GDE1: variants seen among roughly 807,000 people sequenced by gnomAD.
The protein encoded by GDE1 is glycerophosphodiester phosphodiesterase 1.
GDE1 carries 24 observed loss-of-function variants against 32.2 expected under a neutral mutation model. The ratio of observed to expected loss-of-function variants is 0.75; its 90% confidence interval spans 0.54 to 1.05. The LOEUF is 1.05. Ranked by LOEUF, GDE1 falls within the 50% of genes least tolerant of loss-of-function variation. The probability of loss-of-function intolerance (pLI) is 0.00; values close to 1 mark genes in which losing one functional copy is unlikely to be tolerated. For missense variants in GDE1, 380 were observed against 415.0 expected, an observed-to-expected ratio of 0.92 and a Z score of 0.73; for synonymous variants, 159 against 158.6, an observed-to-expected ratio of 1.00 and a Z score of -0.02.
intron 2 of GDE1, among the ~76,000 whole-genome samples, chr16:19,512,649 CT>C (rs780208833): frequency 1.8e-4 from 27 of 152,084 alleles, no homozygotes; most frequent in Non-Finnish European, 2.8e-4. Context: ...TGTCCCAGAG[CT>C]TTTCCCCTGT....
Position 19,502,168 on chromosome 16 carries a change from G to A in GDE1, c.*1302C>T, listed in dbSNP as rs942935162. On this transcript the variant is annotated 3_prime_UTR_variant, in exon 6 of 6. Coordinates refer to ENST00000353258, the MANE Select transcript of GDE1 (RefSeq NM_016641.4). Reference sequence around the variant, plus strand: ...GGTAAGGGTAGTGGCTCTGGGGGCAGACTGACCTAGATTTGAATGCCAGTT... The same window carrying A: ...GGTAAGGGTAGTGGCTCTGGGGGCAAACTGACCTAGATTTGAATGCCAGTT... 1.3e-5 allele frequency: 2 copies of A among 152,126 alleles called. No homozygotes were observed. The highest frequency in any genetic ancestry group is 4.8e-5 in the African/African-American group (2 of 41,408). The allele number at this position is 152,126 out of a possible 1,614,324, so 9.4% of individuals were successfully genotyped here.
At chr16:19,507,141 AAAATAAATAAAT>A (rs79540258) in intron 4 of GDE1, among the ~76,000 whole-genome samples, 11,990 of 143,394 alleles carry the variant, frequency 0.084, 878 homozygotes, top group African/African-American at 0.2. Flanking sequence ...CCCGTCTTTT[AAAATAAATAAAT>A]AAATAAATAA....
chr16:19,509,742 C>T (rs1377148566), intron 3 of GDE1, among the ~76,000 whole-genome samples: 1 of 151,130 alleles, frequency 6.6e-6, no homozygotes, highest in Non-Finnish European at 1.5e-5. Context: ...CTCAGTGCAA[C>T]CTCTGTCTCC....
At chr16:19,503,824 G>A (rs1041636690) in intron 5 of GDE1, 2 of 473,790 alleles carry the variant, frequency 4.2e-6, no homozygotes, top group African/African-American at 1.9e-5. Context: ...AAACATTTCA[G>A]TAGCTCACTA....
rs1969200800 is a variant in GDE1 at position 19,503,214 on chromosome 16, T to TAGGGC, written c.*251_*255dup. The TAGGGC allele has an allele frequency of 2.1e-6, 1 of 476,892 alleles. No homozygotes were observed. The highest frequency in any genetic ancestry group is 3.8e-6 in the Non-Finnish European group (1 of 264,026). The allele number at this position is 476,892 out of a possible 1,614,324, so 29.5% of individuals were successfully genotyped here. ...ACTGGGTCTCCCTGTGTGCCTCAGC[T>TAGGGC]AGGGCAGGGCAGGGGCTCTTGTGCG... On this transcript the variant is annotated 3_prime_UTR_variant, in exon 6 of 6. Coordinates refer to ENST00000353258, the MANE Select transcript of GDE1 (RefSeq NM_016641.4).
chr16:19,518,152 T>C (rs1969405390), intron 1 of GDE1, among the ~76,000 whole-genome samples: 1 of 152,176 alleles, frequency 6.6e-6, no homozygotes, highest in Non-Finnish European at 1.5e-5. Flanking sequence ...TCTCCCAAAG[T>C]GCTGGGATTA....
intron 1 of GDE1, among the ~76,000 whole-genome samples, chr16:19,520,386 T>G (rs1597238871): frequency 1.5e-5 from 2 of 136,170 alleles, no homozygotes; most frequent in African/African-American, 5.6e-5. Flanking sequence ...TGGGAGACAG[T>G]GAGACTTCGT....
At chr16:19,517,224 G>A (rs780495509) in intron 1 of GDE1, 35 bp from the exon 2 acceptor site, 1 of 1,547,978 alleles carries the variant, frequency 6.5e-7, no homozygotes, top group South Asian at 1.1e-5. Flanking sequence ...ACTGTCAAAT[G>A]GCCACAAACA....
chr16:19,520,451 T>C (rs1200898548), intron 1 of GDE1, among the ~76,000 whole-genome samples: 1 of 150,168 alleles, frequency 6.7e-6, no homozygotes, highest in East Asian at 2.0e-4. Flanking sequence ...AGGCCAGGCA[T>C]GATGGCTCAT....
chr16:19,507,542 T>C (rs1168343972), intron 4 of GDE1, 145 bp downstream of exon 4: 1 of 607,206 alleles, frequency 1.6e-6, no homozygotes, highest in African/African-American at 1.9e-5. Context: ...TTCTGGAATT[T>C]CTCTGGTTAA....
At chr16:19,511,444 C>A (rs1969317863) in intron 2 of GDE1, among the ~76,000 whole-genome samples, 2 of 152,022 alleles carry the variant, frequency 1.3e-5, no homozygotes, top group Non-Finnish European at 2.9e-5. Context: ...ATTCTTTTTT[C>A]CACATTTTTA....
Position 19,504,401 on chromosome 16 carries a change from C to T in GDE1, c.848+480G>A, listed in dbSNP as rs531512385. 10 of 160,872 alleles carry T rather than the reference C, an allele frequency of 6.2e-5. No individual in the cohort carries two copies. The East Asian group carries it at 9.2e-4, about 15-fold the overall frequency. 10.0% of individuals were successfully genotyped at this position (160,872 alleles called of 1,614,324 possible). A position where few individuals can be genotyped will look rare whatever the true frequency, so the allele number is the denominator to read the frequency against. ...GTCTGAAATAATACTAGACCTACAA[C>T]TCTAATTAGCTGAAATATACAGATA... On this transcript the variant is annotated intron_variant, in intron 5 of 5. Transcript: ENST00000353258.
chr16:19,521,806 G>A lies in GDE1; in HGVS notation c.159C>T (p.Cys53=). ...RVFSFEPVPS[C]RALQVLKPRD... ...GGGGCTTGAGCACCTGCAGGGCCCT[G>A]CAAGAGGGCACCGGCTCAAAGCTGA... The change falls in exon 1 of 6, where the codon TGC becomes TGT. Residue 53 remains cysteine (C), a synonymous_variant. Coordinates refer to ENST00000353258, the MANE Select transcript of GDE1 (RefSeq NM_016641.4). 1 of 1,611,502 alleles carries A rather than the reference G, an allele frequency of 6.2e-7. No individual in the cohort carries two copies.
intron 4 of GDE1, among the ~76,000 whole-genome samples, chr16:19,506,087 C>T (rs778883229): frequency 1.5e-4 from 23 of 152,094 alleles, no homozygotes; most frequent in Non-Finnish European, 3.1e-4. Flanking sequence ...TGCCTCCTGA[C>T]GGAAAAACAC....
intron 2 of GDE1, among the ~76,000 whole-genome samples, chr16:19,516,606 T>C (rs1969383653): frequency 6.6e-6 from 1 of 152,220 alleles, no homozygotes; most frequent in Non-Finnish European, 1.5e-5. Context: ...CCTACAATTC[T>C]GTGATTCCTC....
intron 2 of GDE1, among the ~76,000 whole-genome samples, chr16:19,514,073 T>C (rs889417480): frequency 1.3e-5 from 2 of 149,118 alleles, no homozygotes; most frequent in African/African-American, 5.0e-5. Context: ...ATGGATGTTA[T>C]TTTTCTGTTT....
chr16:19,517,297 T>C (rs1969393914), intron 1 of GDE1, 108 bp from the exon 2 acceptor site: 1 of 807,936 alleles, frequency 1.2e-6, no homozygotes, highest in South Asian at 1.6e-5. Context: ...CCTTTTTGAT[T>C]CATTTTCCTT....
At position 19,504,839 on chromosome 16, in the gene GDE1, C is replaced by T. The variant is rs765003403; in HGVS notation, c.848+42G>A. On this transcript the variant is annotated intron_variant, in intron 5 of 5. Transcript: ENST00000353258. ...ATCCTTCCTTTCAAATAAGAGCATT[C>T]AGGATGTCTGTCTGGGTAAAATAAA... is the stretch of plus-strand genomic sequence containing the variant. 2.4e-6 allele frequency: 3 copies of T among 1,252,936 alleles called. No individual in the cohort carries two copies. In the South Asian group the frequency reaches 3.9e-5, roughly 16 times the overall value. The allele number at this position is 1,252,936 out of a possible 1,614,324, so 77.6% of individuals were successfully genotyped here.
chr16:19,519,471 T>C (rs1026598851), intron 1 of GDE1, among the ~76,000 whole-genome samples: 15 of 134,346 alleles, frequency 1.1e-4, no homozygotes, highest in Non-Finnish European at 1.9e-4. Context: ...TATATATATA[T>C]ATACATACAC....
Sources: allele counts gnomAD v4.1 joint callset (sites outside exome capture counted in the v4.1 genomes callset), GRCh38; gene constraint gnomAD v4.1.1; transcripts MANE v1.5; gene names NCBI Gene and HGNC (gene_info 2026-07-23, HGNC 2026-07-21).